ATP8B2: variants seen among roughly 807,000 people sequenced by gnomAD.
ATP8B2 encodes ATPase phospholipid transporting 8B2.
ATP8B2 carries 70 observed loss-of-function variants against 133.4 expected under a neutral mutation model. The observed-to-expected ratio is 0.52, with a 90% CI of 0.43 to 0.64. ATP8B2 has a LOEUF of 0.64. Among genes scored for constraint, ATP8B2 ranks in the 30% least tolerant of loss-of-function variants. The pLI is 0.00. For missense variants in ATP8B2, 1,101 were observed against 1,535.7 expected, an observed-to-expected ratio of 0.72 and a Z score of 4.73; for synonymous variants, 517 against 589.5, an observed-to-expected ratio of 0.88 and a Z score of 1.78.
Position 154,345,450 on chromosome 1 carries a change from C to G in ATP8B2, c.2599C>G (p.Arg867Gly), listed in dbSNP as rs752493222. ...LLVHGRWSYLRMCKFLCYFFY... is the reference protein window; with the variant it reads ...LLVHGRWSYLGMCKFLCYFFY... The stretch of plus-strand genomic sequence containing the variant: ...GGTGCATGGGCGCTGGTCCTACCTG[C>G]GAATGTGCAAGTTTCTTTGCTATTT... Residue 867 changes from arginine to glycine, a missense_variant, in exon 23 of 28, where the codon CGA becomes GGA. Transcript: ENST00000368489. This position sits in a 1 kb window ranked among gnomAD's most constrained non-coding sequence, Gnocchi z 5.6. 6.2e-7 allele frequency: 1 copy of G among 1,614,036 alleles called. No individual in the cohort carries two copies. Among genetic ancestry groups the G allele is most frequent in the Non-Finnish European group, 8.5e-7 (1 of 1,180,046 alleles).
rs1039687614 is a variant in ATP8B2 at position 154,350,828 on chromosome 1, G to A, written c.*1710G>A. 4 of 152,208 alleles carry A rather than the reference G, an allele frequency of 2.6e-5. No individual in the cohort carries two copies. Among genetic ancestry groups the A allele is most frequent in the African/African-American group, 7.3e-5 (3 of 41,360 alleles). The allele number at this position is 152,208 out of a possible 1,614,324, so 9.4% of individuals were successfully genotyped here. On this transcript the variant is annotated 3_prime_UTR_variant, in exon 28 of 28. Transcript: ENST00000368489. ...ATCCTTTCCTCTTCTTTGATAGTGG[G>A]TCGGGGGATTCTTCAGGAATGGTTT... is the stretch of plus-strand genomic sequence containing the variant.
At position 154,345,625 on chromosome 1, in the gene ATP8B2, C is replaced by T; in HGVS notation, c.2694+80C>T. Reference sequence around the variant, plus strand: ...GTTCTGTCTTGTTTATCACTCAGTCCCCCAGGGCCTAGCTATTTTCTGGTA... The same window carrying T: ...GTTCTGTCTTGTTTATCACTCAGTCTCCCAGGGCCTAGCTATTTTCTGGTA... On this transcript the variant is annotated intron_variant, in intron 23 of 27. Transcript: ENST00000368489. The surrounding 1 kb of genome is among the most constrained non-coding windows in gnomAD (Gnocchi z 5.6). 3 of 1,386,406 alleles carry T rather than the reference C, an allele frequency of 2.2e-6. No individual in the cohort carries two copies. In the South Asian group the frequency reaches 3.7e-5, roughly 17 times the overall value. The allele number at this position is 1,386,406 out of a possible 1,614,324, so 85.9% of individuals were successfully genotyped here.
chr1:154,335,997 G>A (rs1362867139), intron 11 of ATP8B2, among the ~76,000 whole-genome samples: 35 of 143,494 alleles, frequency 2.4e-4, no homozygotes, highest in South Asian at 2.0e-3. Context: ...AGCCGAGGTC[G>A]CGCCACTGCA....
Position 154,346,904 on chromosome 1 carries a change from G to C in ATP8B2, c.3163+146G>C. On this transcript the variant is annotated intron_variant, in intron 26 of 27. Coordinates refer to ENST00000368489, the MANE Select transcript of ATP8B2 (RefSeq NM_001370597.1). The surrounding 1 kb of genome is among the most constrained non-coding windows in gnomAD (Gnocchi z 4.5). ...TTATTTATTTATTTATTTTCGAGAA[G>C]GAGTCTTGCCCAGGCTGGAGTGCAG... 1.1e-6 allele frequency: 1 copy of C among 930,264 alleles called. No individual in the cohort carries two copies. Among genetic ancestry groups the C allele is most frequent in the Middle Eastern group, 3.7e-4 (1 of 2,730 alleles). 57.6% of individuals were successfully genotyped at this position (930,264 alleles called of 1,614,324 possible).
chr1:154,340,576 C>G lies in ATP8B2; in HGVS notation c.1035-278C>G. The stretch of plus-strand genomic sequence containing the variant: ...CTGGCCGAGTGCCTTGTCTACAGCC[C>G]CTTTTCCTCCTTTGCTGTCTGTCCT... On this transcript the variant is annotated intron_variant, in intron 12 of 27. Transcript: ENST00000368489. The surrounding 1 kb of genome is among the most constrained non-coding windows in gnomAD (Gnocchi z 4.0). 2.0e-6 allele frequency: 1 copy of G among 488,734 alleles called. No homozygotes were observed. The highest frequency in any genetic ancestry group is 3.8e-6 in the Non-Finnish European group (1 of 261,288). 30.3% of individuals were successfully genotyped at this position (488,734 alleles called of 1,614,324 possible). A position where few individuals can be genotyped will look rare whatever the true frequency, so the allele number is the denominator to read the frequency against.
chr1:154,332,731 A>G, intron 9 of ATP8B2, 34 bp downstream of exon 9: 2 of 1,503,374 alleles, frequency 1.3e-6, no homozygotes, highest in Non-Finnish European at 1.8e-6. Context: ...CTGAAGGTAG[A>G]GGAGTGGGGT....
intron 9 of ATP8B2, among the ~76,000 whole-genome samples, chr1:154,333,503 CAA>C (rs373221836): frequency 2.2e-5 from 3 of 135,298 alleles, no homozygotes; most frequent in Non-Finnish European, 4.8e-5. Context: ...GACACTGTCT[CAA>C]AAAAAAAAAA....
rs367823000 is a variant in ATP8B2 at position 154,346,646 on chromosome 1, G to A, written c.3051G>A (p.Thr1017=). The A allele has an allele frequency of 5.3e-5, 85 of 1,614,172 alleles. No homozygotes were observed. The East Asian group carries it at 1.5e-3, about 28-fold the overall frequency. Reference sequence around the variant, plus strand: ...TTGGGCTCGACACAGGCTACTGGACGGCCATCAACCACTTCTTCATCTGGG... The same window carrying A: ...TTGGGCTCGACACAGGCTACTGGACAGCCATCAACCACTTCTTCATCTGGG... ...VQIGLDTGYW[T]AINHFFIWGS... The change falls in exon 26 of 28, where the codon ACG becomes ACA. Residue 1017 remains threonine, a synonymous_variant. Coordinates refer to ENST00000368489, the MANE Select transcript of ATP8B2 (RefSeq NM_001370597.1). This position sits in a 1 kb window ranked among gnomAD's most constrained non-coding sequence, Gnocchi z 4.5.
At chr1:154,337,714 CCA>C (rs772628703) in intron 12 of ATP8B2, 170 bp downstream of exon 12, 1 of 1,548,340 alleles carries the variant, frequency 6.5e-7, no homozygotes, top group South Asian at 1.3e-5. Context: ...AAACTTTTTA[CCA>C]CAGTTTCCTG....
chr1:154,344,664 A>T lies in ATP8B2; in HGVS notation c.2165A>T (p.Asp722Val), dbSNP rs756034045. ...AGGAAAGCCCGGGAGAAGATGATGG[A>T]CTCATCCCGCTCCGTAGGCAACGGC... Reference protein sequence around the residue: ...ELRKAREKMMDSSRSVGNGFT... With the variant: ...ELRKAREKMMVSSRSVGNGFT... The change falls in exon 21 of 28, where the codon GAC (aspartate) becomes GTC (valine). Residue 722 changes from aspartate to valine, a missense_variant. Physicochemically the swap from Asp to Val is radical, Grantham distance 152. Coordinates refer to ENST00000368489, the MANE Select transcript of ATP8B2 (RefSeq NM_001370597.1). This position sits in a 1 kb window ranked among gnomAD's most constrained non-coding sequence, Gnocchi z 4.1. The T allele has an allele frequency of 6.2e-7, 1 of 1,610,848 alleles. No individual in the cohort carries two copies. Among genetic ancestry groups the T allele is most frequent in the East Asian group, 2.2e-5 (1 of 44,750 alleles).
chr1:154,329,489 G>C (rs1570846028), intron 2 of ATP8B2, among the ~76,000 whole-genome samples: 1 of 152,104 alleles, frequency 6.6e-6, no homozygotes, highest in South Asian at 2.1e-4. Context: ...GGTGACCCCC[G>C]GGGAGACGGG....
intron 3 of ATP8B2, 38 bp downstream of exon 3, chr1:154,330,492 TGG>T: frequency 1.9e-6 from 3 of 1,599,434 alleles, no homozygotes; most frequent in Non-Finnish European, 2.6e-6. Flanking sequence ...TCTCTCTGTT[TGG>T]AGAGGGGAAT....
Position 154,337,718 on chromosome 1 carries a change from A to G in ATP8B2, c.1034+174A>G, listed in dbSNP as rs772768110. ...GTGGGCAGAGCAAACTTTTTACCACAGTTTCCTGGTACTTGGGACTGTATT... is the reference window on the plus strand; with the variant it reads ...GTGGGCAGAGCAAACTTTTTACCACGGTTTCCTGGTACTTGGGACTGTATT... On this transcript the variant is annotated intron_variant, in intron 12 of 27. Coordinates refer to ENST00000368489, the MANE Select transcript of ATP8B2 (RefSeq NM_001370597.1). 8.4e-6 allele frequency: 13 copies of G among 1,546,968 alleles called. No individual in the cohort carries two copies. In the Admixed American group the frequency reaches 2.8e-4, roughly 33 times the overall value.
chr1:154,343,691 T>C lies in ATP8B2; in HGVS notation c.1758+123T>C, dbSNP rs886453046. 4.9e-6 allele frequency: 5 copies of C among 1,029,990 alleles called. No individual in the cohort carries two copies. The highest frequency in any genetic ancestry group is 1.5e-5 in the South Asian group (1 of 68,940). The allele number at this position is 1,029,990 out of a possible 1,614,324, so 63.8% of individuals were successfully genotyped here. A position where few individuals can be genotyped will look rare whatever the true frequency, so the allele number is the denominator to read the frequency against. On this transcript the variant is annotated intron_variant, in intron 17 of 27. Transcript: ENST00000368489. This position sits in a 1 kb window ranked among gnomAD's most constrained non-coding sequence, Gnocchi z 5.8. ...AACGTGATGTTTTGATGTGTATATA[T>C]AGTGAAGTGATTACTACAGTCAGAC...
rs1686569251 is a variant in ATP8B2 at position 154,346,033 on chromosome 1, T to A, written c.2778+150T>A. On this transcript the variant is annotated intron_variant, in intron 24 of 27. Coordinates refer to ENST00000368489, the MANE Select transcript of ATP8B2 (RefSeq NM_001370597.1). The surrounding 1 kb of genome is among the most constrained non-coding windows in gnomAD (Gnocchi z 4.5). ...CGGGGAAGGTGTGGCTGGTTCTCCCTCCTGGCTGCAGCTGATCTAGAACTC... is the reference window on the plus strand; with the variant it reads ...CGGGGAAGGTGTGGCTGGTTCTCCCACCTGGCTGCAGCTGATCTAGAACTC... 1 of 1,096,638 alleles carries A rather than the reference T, an allele frequency of 9.1e-7. No individual in the cohort carries two copies. The highest frequency in any genetic ancestry group is 1.3e-6 in the Non-Finnish European group (1 of 748,904). 67.9% of individuals were successfully genotyped at this position (1,096,638 alleles called of 1,614,324 possible).
In ATP8B2 at chr1:154,345,785, C is replaced by T. The variant is rs752036472; in HGVS notation, c.2695-15C>T. The T allele has an allele frequency of 5.0e-6, 8 of 1,599,486 alleles. No homozygotes were observed. The highest frequency in any genetic ancestry group is 6.0e-6 in the Non-Finnish European group (7 of 1,166,682). Reference sequence around the variant, plus strand: ...AGAAAGGTTGCATGCTCCCTTGCTCCCTGTTCTCTTCCAGACCGTCTATGA... The same window carrying T: ...AGAAAGGTTGCATGCTCCCTTGCTCTCTGTTCTCTTCCAGACCGTCTATGA... On this transcript the variant is annotated splice_polypyrimidine_tract_variant and intron_variant, in intron 23 of 27. Coordinates refer to ENST00000368489, the MANE Select transcript of ATP8B2 (RefSeq NM_001370597.1). The surrounding 1 kb of genome is among the most constrained non-coding windows in gnomAD (Gnocchi z 5.6).
At chr1:154,327,415 G>A (rs1685824434) in intron 1 of ATP8B2, among the ~76,000 whole-genome samples, 1 of 132,422 alleles carries the variant, frequency 7.6e-6, no homozygotes, top group South Asian at 2.7e-4. Context: ...ATACTGACTG[G>A]ACTAGGCTTG....
rs759291018 is a variant in ATP8B2, at chr1:154,348,484, C to T, written c.3240C>T (p.Pro1080=). 3.4e-5 allele frequency: 55 copies of T among 1,614,038 alleles called. No individual in the cohort carries two copies. The highest frequency in any genetic ancestry group is 1.3e-4 in the Admixed American group (8 of 60,004). The part of the protein sequence containing the change: ...IVLTTVVCIM[P]VVAFRFLRLN... ...TCACCACAGTCGTCTGCATCATGCC[C>T]GTGGTTGCCTTCCGATTCCTCAGGC... The change falls in exon 27 of 28, where the codon CCC becomes CCT. Residue 1080 remains proline, a synonymous_variant. Coordinates refer to ENST00000368489, the MANE Select transcript of ATP8B2 (RefSeq NM_001370597.1).
intron 13 of ATP8B2, 126 bp downstream of exon 13, chr1:154,341,188 GA>G (rs1331975361): frequency 1.7e-5 from 17 of 999,982 alleles, no homozygotes; most frequent in Non-Finnish European, 2.3e-5. Context: ...GGGCCTAGAA[GA>G]AAGGGTCCAT....
Sources: allele counts gnomAD v4.1 joint callset (sites outside exome capture counted in the v4.1 genomes callset), GRCh38; gene constraint gnomAD v4.1.1; non-coding constraint Gnocchi (gnomAD v3.1); transcripts MANE v1.5; gene names NCBI Gene and HGNC (gene_info 2026-07-23, HGNC 2026-07-21).